The following SOX5 variants were observed in gnomAD, a reference collection of about 807,000 sequenced individuals.
SOX5 encodes the protein transcription factor SOX-5.
Under a neutral mutation model 92.0 loss-of-function variants are expected in SOX5, and 9 were observed. That is an observed-to-expected ratio of 0.10 (90% CI 0.06 to 0.17). The LOEUF (loss-of-function observed/expected upper bound fraction) is 0.17. Ranked by LOEUF, SOX5 falls within the 10% of genes least tolerant of loss-of-function variation. The pLI, the probability that SOX5 is intolerant of heterozygous loss-of-function variation, is 1.00. For synonymous variants in SOX5, 344 were observed against 336.3 expected (o/e 1.02, Z -0.25); for missense variants, 642 against 944.5 (o/e 0.68, Z 4.20).
chr12:24,076,478 T>C (rs1174950063), intron 4 of SOX5, among the ~76,000 whole-genome samples: 1 of 152,218 alleles, frequency 6.6e-6, no homozygotes, highest in Non-Finnish European at 1.5e-5. Context: ...ATGTGGGTTC[T>C]TTCCAACAGC....
At chr12:24,297,375 A>G (rs899443466) in intron 2 of SOX5, among the ~76,000 whole-genome samples, 7 of 152,208 alleles carry the variant, frequency 4.6e-5, no homozygotes, top group Non-Finnish European at 1.0e-4. Context: ...TTCCAATAAA[A>G]CAAACTGTTC....
intron 1 of SOX5, among the ~76,000 whole-genome samples, chr12:23,937,062 A>G (rs1024301474): frequency 2.0e-5 from 3 of 150,924 alleles, no homozygotes; most frequent in Admixed American, 6.6e-5. Context: ...GAAGGTCTCA[A>G]TATGTATTTT....
At chr12:24,360,464 A>G (rs1955415532) in intron 2 of SOX5, among the ~76,000 whole-genome samples, 1 of 152,188 alleles carries the variant, frequency 6.6e-6, no homozygotes, top group South Asian at 2.1e-4. Context: ...AAAAAGTCCA[A>G]AAAGTAGAGG....
At chr12:24,281,237 G>GA (rs71448005) in intron 2 of SOX5, among the ~76,000 whole-genome samples, 22,887 of 97,144 alleles carry the variant, frequency 0.24, 2,138 homozygotes, top group African/African-American at 0.28. Flanking sequence ...TTACCAAAAG[G>GA]AAAAAAAAAA....
chr12:23,744,181 C>T (rs1056379530), intron 4 of SOX5, among the ~76,000 whole-genome samples: 3 of 152,122 alleles, frequency 2.0e-5, no homozygotes, highest in African/African-American at 7.2e-5. Context: ...CATGAATGCC[C>T]ATATTCTCCC....
At chr12:23,846,424 A>C (rs897475614) in intron 2 of SOX5, among the ~76,000 whole-genome samples, 7 of 152,244 alleles carry the variant, frequency 4.6e-5, no homozygotes, top group Admixed American at 3.9e-4. Flanking sequence ...TTCAGTTTTC[A>C]TGGTAGTACT....
At chr12:24,261,148 T>C (rs1210841566) in intron 3 of SOX5, among the ~76,000 whole-genome samples, 1 of 150,276 alleles carries the variant, frequency 6.7e-6, no homozygotes, top group Middle Eastern at 3.2e-3. Flanking sequence ...TGTAAAAGAA[T>C]AAGAAATACT....
chr12:23,533,512 A>G lies in SOX5; in HGVS notation c.*707T>C, dbSNP rs1409035700. On this transcript the variant is annotated 3_prime_UTR_variant, in exon 15 of 15. Transcript: ENST00000451604. ...TCAGTACAAATTTGGCACTTGCTCA[A>G]AGATGTAGTGTGGTGTGCAATAGAT... 1 of 187,166 alleles carries G rather than the reference A, an allele frequency of 5.3e-6. No homozygotes were observed. The highest frequency in any genetic ancestry group is 1.1e-5 in the Non-Finnish European group (1 of 88,086). The allele number at this position is 187,166 out of a possible 1,614,324, so 11.6% of individuals were successfully genotyped here. A position where few individuals can be genotyped will look rare whatever the true frequency, so the allele number is the denominator to read the frequency against.
chr12:24,299,510 G>A (rs1391986883), intron 2 of SOX5, among the ~76,000 whole-genome samples: 1 of 151,606 alleles, frequency 6.6e-6, no homozygotes, highest in African/African-American at 2.4e-5. Flanking sequence ...ATCCAGGCAG[G>A]GATTCACATT....
At chr12:24,117,094 G>A (rs945125803) in intron 4 of SOX5, among the ~76,000 whole-genome samples, 6 of 150,976 alleles carry the variant, frequency 4.0e-5, no homozygotes, top group African/African-American at 9.7e-5. Flanking sequence ...AAATATAGAG[G>A]GAATTCAAAT....
At chr12:24,204,765 T>G (rs1206351158) in intron 4 of SOX5, among the ~76,000 whole-genome samples, 1 of 152,196 alleles carries the variant, frequency 6.6e-6, no homozygotes, top group Non-Finnish European at 1.5e-5. Context: ...TTGTATCACT[T>G]TGCATTCCCA....
chr12:24,064,555 C>G (rs1289915192), intron 4 of SOX5, among the ~76,000 whole-genome samples: 1 of 152,028 alleles, frequency 6.6e-6, no homozygotes, highest in Non-Finnish European at 1.5e-5. Context: ...TAAAGTAGTA[C>G]AGAAATAAAA....
chr12:24,137,437 C>T (rs1950205525), intron 4 of SOX5, among the ~76,000 whole-genome samples: 1 of 152,058 alleles, frequency 6.6e-6, no homozygotes, highest in Non-Finnish European at 1.5e-5. Flanking sequence ...TCAAGACCAG[C>T]CTGACCAATG....
At chr12:24,456,488 T>G (rs186137722) in intron 1 of SOX5, among the ~76,000 whole-genome samples, 1 of 152,212 alleles carries the variant, frequency 6.6e-6, no homozygotes, top group African/African-American at 2.4e-5. Context: ...TCAGGGTGGT[T>G]GAGGTGGAAG....
At chr12:23,692,222 C>A (rs991522548) in intron 6 of SOX5, among the ~76,000 whole-genome samples, 1 of 151,852 alleles carries the variant, frequency 6.6e-6, no homozygotes, top group Non-Finnish European at 1.5e-5. Context: ...CACCTGAGGT[C>A]AGGAGTTAGA....
intron 2 of SOX5, among the ~76,000 whole-genome samples, chr12:23,847,620 C>T (rs1473921427): frequency 6.6e-6 from 1 of 151,482 alleles, no homozygotes; most frequent in East Asian, 1.9e-4. Context: ...GGACAACAGG[C>T]TATGTTACAA....
At chr12:24,268,040 G>A (rs1245722727) in intron 3 of SOX5, among the ~76,000 whole-genome samples, 1 of 152,100 alleles carries the variant, frequency 6.6e-6, no homozygotes, top group East Asian at 1.9e-4. Flanking sequence ...TACTCAAGTG[G>A]CAATACCTAG....
At chr12:23,904,128 G>A (rs2097265967) in intron 1 of SOX5, among the ~76,000 whole-genome samples, 1 of 152,058 alleles carries the variant, frequency 6.6e-6, no homozygotes, top group South Asian at 2.1e-4. Context: ...TACTCTGTGA[G>A]CATTCCATGT....
chr12:24,491,520 T>C (rs1028601531), intron 1 of SOX5, among the ~76,000 whole-genome samples: 2 of 152,104 alleles, frequency 1.3e-5, no homozygotes, highest in African/African-American at 4.8e-5. Context: ...TTTCAAATGT[T>C]AGAAATCATA....
Sources: allele counts gnomAD v4.1 joint callset (sites outside exome capture counted in the v4.1 genomes callset), GRCh38; gene constraint gnomAD v4.1.1; transcripts MANE v1.5; gene names NCBI Gene and HGNC (gene_info 2026-07-23, HGNC 2026-07-21).